LRRC8D: variants seen among roughly 807,000 people sequenced by gnomAD.
The protein encoded by LRRC8D is leucine rich repeat containing 8 VRAC subunit D, also known as volume-regulated anion channel subunit LRRC8D.
A neutral mutation model predicts 55.8 loss-of-function variants in LRRC8D; 20 were observed. That is an observed-to-expected ratio of 0.36 (90% CI 0.25 to 0.52). LRRC8D has a LOEUF of 0.52. Ranked by LOEUF, LRRC8D falls within the 20% of genes least tolerant of loss-of-function variation. The pLI, the probability that LRRC8D is intolerant of heterozygous loss-of-function variation, is 0.93. For missense variants in LRRC8D, 651 were observed against 1,030.8 expected (o/e 0.63, Z 5.05); for synonymous variants, 352 against 377.0 (o/e 0.93, Z 0.77).
chr1:89,919,608 T>A (rs1374211348), intron 2 of LRRC8D, among the ~76,000 whole-genome samples: 2 of 152,204 alleles, frequency 1.3e-5, no homozygotes, highest in African/African-American at 4.8e-5. Context: ...TTACAAATCC[T>A]ACTAACTGTC....
chr1:89,850,070 C>T (rs1364546894), intron 2 of LRRC8D, among the ~76,000 whole-genome samples: 3 of 152,036 alleles, frequency 2.0e-5, no homozygotes, highest in Non-Finnish European at 2.9e-5. Flanking sequence ...GAAGTATTAA[C>T]CCAATTTTTA....
chr1:89,846,818 T>G (rs1157329874), intron 2 of LRRC8D, among the ~76,000 whole-genome samples: 1 of 152,224 alleles, frequency 6.6e-6, no homozygotes, highest in Non-Finnish European at 1.5e-5. Context: ...TGTCAGGTTT[T>G]AGTGAGCAAG....
chr1:89,834,499 A>G (rs971997283), intron 1 of LRRC8D, among the ~76,000 whole-genome samples: 1 of 152,252 alleles, frequency 6.6e-6, no homozygotes, highest in Admixed American at 6.5e-5. Context: ...AGTGCTAATA[A>G]CTAGCAGGGA....
At chr1:89,897,822 A>G (rs924282265) in intron 2 of LRRC8D, among the ~76,000 whole-genome samples, 4 of 152,202 alleles carry the variant, frequency 2.6e-5, no homozygotes, top group Non-Finnish European at 5.9e-5. Context: ...TGATTTCTGC[A>G]GTGCTATGTT....
rs941636517 is a variant in LRRC8D at position 89,843,711 on chromosome 1, C to A, written c.-74C>A. 1.6e-5 allele frequency: 11 copies of A among 701,950 alleles called. No individual in the cohort carries two copies. Among genetic ancestry groups the A allele is most frequent in the Non-Finnish European group, 2.9e-5 (11 of 384,668 alleles). 43.5% of individuals were successfully genotyped at this position (701,950 alleles called of 1,614,324 possible). A position where few individuals can be genotyped will look rare whatever the true frequency, so the allele number is the denominator to read the frequency against. ...GTGAAGTCTCCTGTCGCCGTGGTTC[C>A]AGCCTCCGGAGCTCGCCCAAGCCGC... On this transcript the variant is annotated 5_prime_UTR_variant, in exon 2 of 3. Transcript: ENST00000337338.
At chr1:89,872,592 G>T (rs1267728812) in intron 2 of LRRC8D, among the ~76,000 whole-genome samples, 17 of 152,166 alleles carry the variant, frequency 1.1e-4, no homozygotes, top group Non-Finnish European at 8.8e-5. Flanking sequence ...TTTTCTTAAG[G>T]ATAACCATCT....
intron 2 of LRRC8D, among the ~76,000 whole-genome samples, chr1:89,871,532 C>A (rs1662007186): frequency 6.6e-6 from 1 of 152,140 alleles, no homozygotes; most frequent in African/African-American, 2.4e-5. Context: ...GTTTATGATT[C>A]TTAAACTATT....
intron 1 of LRRC8D, among the ~76,000 whole-genome samples, chr1:89,825,203 G>T (rs1163854454): frequency 6.6e-6 from 1 of 152,114 alleles, no homozygotes; most frequent in African/African-American, 2.4e-5. Context: ...AGTAGTTTGG[G>T]GGCTCTATTG....
chr1:89,915,326 C>T lies in LRRC8D; in HGVS notation c.-2-17741C>T, dbSNP rs368928266. 9.2e-5 allele frequency among the ~76,000 whole-genome samples: 14 copies of T among 152,308 alleles called. 1 individual carries two copies. The highest frequency in any genetic ancestry group is 3.3e-4 in the Admixed American group (5 of 15,298). The stretch of plus-strand genomic sequence containing the variant: ...TATTGTGGTCCATCAACACATTAGA[C>T]AATCCTACAATTACAGTTGTAACAT... On this transcript the variant is annotated intron_variant, in intron 2 of 2. Transcript: ENST00000337338.
rs60262048 is a variant in LRRC8D, at chr1:89,901,746, C to T, written c.-2-31321C>T. ...TATTTGCTGCTTAAAGAAATAAAGC[C>T]GTGATCATGAGAAAAAGCAGACCTT... On this transcript the variant is annotated intron_variant, in intron 2 of 2. Coordinates refer to ENST00000337338, the MANE Select transcript of LRRC8D (RefSeq NM_001134479.2). 2.3e-4 allele frequency among the ~76,000 whole-genome samples: 35 copies of T among 152,212 alleles called. No homozygotes were observed. In the East Asian group the frequency reaches 3.3e-3, roughly 14 times the overall value.
chr1:89,892,124 C>G (rs934663944), intron 2 of LRRC8D, among the ~76,000 whole-genome samples: 1 of 152,204 alleles, frequency 6.6e-6, no homozygotes, highest in African/African-American at 2.4e-5. Flanking sequence ...CTTTAGTGGT[C>G]AAGCCATATG....
At chr1:89,883,191 G>C (rs1018923938) in intron 2 of LRRC8D, among the ~76,000 whole-genome samples, 2 of 151,962 alleles carry the variant, frequency 1.3e-5, no homozygotes, top group Non-Finnish European at 2.9e-5. Flanking sequence ...AGCTTAGTGA[G>C]ACCCCCATCC....
chr1:89,838,458 A>T (rs1218409610), intron 1 of LRRC8D, among the ~76,000 whole-genome samples: 1 of 152,222 alleles, frequency 6.6e-6, no homozygotes, highest in Non-Finnish European at 1.5e-5. Context: ...ACCACAGAAG[A>T]TTAACAGACA....
At position 89,935,578 on chromosome 1, in the gene LRRC8D, C is replaced by A. The variant is rs200795939; in HGVS notation, c.2510C>A (p.Thr837Asn). Residue 837 changes from threonine to asparagine, a missense_variant, in exon 3 of 3, where the codon ACC becomes AAC. Coordinates refer to ENST00000337338, the MANE Select transcript of LRRC8D (RefSeq NM_001134479.2). Reference protein sequence around the residue: ...GLVVEDHLFDTLPLEVKEALN... With the variant: ...GLVVEDHLFDNLPLEVKEALN... The stretch of plus-strand genomic sequence containing the variant: ...GTTGTGGAAGATCACCTTTTTGATA[C>A]CCTGCCACTCGAAGTCAAAGAGGCA... 4 of 1,614,002 alleles carry A rather than the reference C, an allele frequency of 2.5e-6. No homozygotes were observed. Among genetic ancestry groups the A allele is most frequent in the East Asian group, 2.2e-5 (1 of 44,896 alleles).
chr1:89,892,157 A>G (rs1662593681), intron 2 of LRRC8D, among the ~76,000 whole-genome samples: 1 of 152,238 alleles, frequency 6.6e-6, no homozygotes, highest in Admixed American at 6.5e-5. Context: ...GAAGCTCACA[A>G]TGATAAAATG....
intron 2 of LRRC8D, among the ~76,000 whole-genome samples, chr1:89,867,081 A>G (rs941411810): frequency 6.6e-6 from 1 of 152,182 alleles, no homozygotes; most frequent in East Asian, 1.9e-4. Flanking sequence ...TTTGTAGTAC[A>G]TTTAGAATCA....
In LRRC8D at chr1:89,843,791, G is replaced by T; in HGVS notation, c.-3+9G>T. 1.5e-6 allele frequency: 1 copy of T among 670,750 alleles called. No individual in the cohort carries two copies. The highest frequency in any genetic ancestry group is 2.8e-5 in the East Asian group (1 of 35,776). 41.5% of individuals were successfully genotyped at this position (670,750 alleles called of 1,614,324 possible). ...GTGGCCGCTTGGTCCAGGTGCGCGG[G>T]GTCGGGTCTGGGTCCAGGGAGCGGG... On this transcript the variant is annotated intron_variant, in intron 2 of 2. Coordinates refer to ENST00000337338, the MANE Select transcript of LRRC8D (RefSeq NM_001134479.2).
At chr1:89,902,575 C>T (rs1382180962) in intron 2 of LRRC8D, among the ~76,000 whole-genome samples, 6 of 150,606 alleles carry the variant, frequency 4.0e-5, no homozygotes, top group South Asian at 2.1e-4. Context: ...CTCGCTCTGT[C>T]GCCCTGGCTG....
Position 89,911,390 on chromosome 1 carries a change from A to G in LRRC8D, c.-2-21677A>G, listed in dbSNP as rs1663130068. Among the ~76,000 whole-genome samples, 1 of 152,156 alleles carries G rather than the reference A, an allele frequency of 6.6e-6. No homozygotes were observed. The highest frequency in any genetic ancestry group is 1.5e-5 in the Non-Finnish European group (1 of 68,018). Reference sequence around the variant, plus strand: ...ATTTCCATGGGATTCTGAATTCCTTAATCTCTGTAGTTTTATGAAGTCATA... The same window carrying G: ...ATTTCCATGGGATTCTGAATTCCTTGATCTCTGTAGTTTTATGAAGTCATA... On this transcript the variant is annotated intron_variant, in intron 2 of 2. Transcript: ENST00000337338. This position sits in a 1 kb window ranked among gnomAD's most constrained non-coding sequence, Gnocchi z 4.0.
Sources: allele counts gnomAD v4.1 joint callset (sites outside exome capture counted in the v4.1 genomes callset), GRCh38; gene constraint gnomAD v4.1.1; non-coding constraint Gnocchi (gnomAD v3.1); transcripts MANE v1.5; gene names NCBI Gene and HGNC (gene_info 2026-07-23, HGNC 2026-07-21).